Variants in SOX5 observed in about 807,000 individuals in gnomAD.
The protein encoded by SOX5 is transcription factor SOX-5.
A neutral mutation model predicts 92.0 loss-of-function variants in SOX5; 9 were observed. That is an observed-to-expected ratio of 0.10 (90% CI 0.06 to 0.17). The LOEUF (loss-of-function observed/expected upper bound fraction) is 0.17. SOX5 is among the 10% of genes least tolerant of loss of function. The pLI is 1.00. For synonymous variants in SOX5, 344 were observed against 336.3 expected (o/e 1.02, Z -0.25); for missense variants, 642 against 944.5 (o/e 0.68, Z 4.20).
At chr12:23,863,310 A>G (rs546691429) in intron 2 of SOX5, among the ~76,000 whole-genome samples, 95 of 152,266 alleles carry the variant, frequency 6.2e-4, no homozygotes, top group Non-Finnish European at 1.1e-3. Context: ...CTGGAAAAAA[A>G]TTACTAAATT....
At chr12:24,343,094 G>A (rs1395613012) in intron 2 of SOX5, among the ~76,000 whole-genome samples, 1 of 152,224 alleles carries the variant, frequency 6.6e-6, no homozygotes, top group East Asian at 1.9e-4. Context: ...ATGTAGGGAA[G>A]TAAGGGGTTT....
At chr12:24,382,387 T>C (rs750272744) in intron 1 of SOX5, among the ~76,000 whole-genome samples, 8 of 151,484 alleles carry the variant, frequency 5.3e-5, no homozygotes, top group Non-Finnish European at 1.0e-4. Context: ...ACGGGCAGTA[T>C]GGTAGTATGG....
intron 4 of SOX5, among the ~76,000 whole-genome samples, chr12:23,972,596 T>C (rs1264653420): frequency 6.6e-6 from 1 of 152,138 alleles, no homozygotes; most frequent in Non-Finnish European, 1.5e-5. Flanking sequence ...TAACCTCAGG[T>C]GATCCACCCA....
At chr12:24,333,851 TAA>T (rs5797076) in intron 2 of SOX5, among the ~76,000 whole-genome samples, 33,584 of 138,444 alleles carry the variant, frequency 0.24, 4,843 homozygotes, top group Non-Finnish European at 0.34. Flanking sequence ...TTCACCAAGT[TAA>T]AAAAAAAAAA....
intron 4 of SOX5, among the ~76,000 whole-genome samples, chr12:24,165,389 T>TA (rs1366961043): frequency 6.6e-6 from 1 of 152,164 alleles, no homozygotes; most frequent in African/African-American, 2.4e-5. Context: ...TCATAAACCA[T>TA]AAAAATTCCT....
intron 3 of SOX5, among the ~76,000 whole-genome samples, chr12:24,234,199 C>A (rs938828597): frequency 6.6e-6 from 1 of 152,112 alleles, no homozygotes; most frequent in African/African-American, 2.4e-5. Flanking sequence ...ATTGAGAAGG[C>A]AAATATTTTG....
intron 6 of SOX5, among the ~76,000 whole-genome samples, chr12:23,670,519 G>A (rs186536660): frequency 2.0e-5 from 3 of 152,236 alleles, no homozygotes; most frequent in South Asian, 2.1e-4. Context: ...CCAAAATTCC[G>A]GAGGAGGCTA....
chr12:24,559,897 C>T (rs1046380957), intron 1 of SOX5, among the ~76,000 whole-genome samples: 1 of 152,264 alleles, frequency 6.6e-6, no homozygotes, highest in South Asian at 2.1e-4. Context: ...CCTCAAATGC[C>T]TAGTTATTTA....
intron 1 of SOX5, among the ~76,000 whole-genome samples, chr12:23,910,447 G>A (rs764666587): frequency 6.6e-6 from 1 of 152,032 alleles, no homozygotes; most frequent in Non-Finnish European, 1.5e-5. Flanking sequence ...GTTTAAATAC[G>A]CATTTCCTAT....
intron 3 of SOX5, among the ~76,000 whole-genome samples, chr12:24,220,683 A>G (rs1360537759): frequency 6.6e-6 from 1 of 152,096 alleles, no homozygotes; most frequent in African/African-American, 2.4e-5. Context: ...ACCCCATCCA[A>G]TTGGAAGTAT....
At chr12:23,851,382 T>A (rs1036430036) in intron 2 of SOX5, among the ~76,000 whole-genome samples, 14 of 152,268 alleles carry the variant, frequency 9.2e-5, no homozygotes, top group African/African-American at 2.9e-4. Context: ...CCAATATTAA[T>A]GTTCCTAAAA....
At chr12:23,577,176 C>CACACACATAT (rs1273547543) in intron 9 of SOX5, among the ~76,000 whole-genome samples, 4 of 76,968 alleles carry the variant, frequency 5.2e-5, no homozygotes, top group African/African-American at 1.9e-4. Flanking sequence ...CACACACACA[C>CACACACATAT]ATATATATAT....
intron 2 of SOX5, among the ~76,000 whole-genome samples, chr12:24,359,552 A>G (rs1303525789): frequency 1.3e-5 from 2 of 152,224 alleles, no homozygotes; most frequent in African/African-American, 2.4e-5. Flanking sequence ...CCCCTTAGCC[A>G]TACTTTTGGG....
chr12:24,402,460 C>A (rs970695591), intron 1 of SOX5, among the ~76,000 whole-genome samples: 2 of 152,198 alleles, frequency 1.3e-5, no homozygotes, highest in Non-Finnish European at 2.9e-5. Flanking sequence ...AATTCCTCCG[C>A]CTGCCTCTTT....
In SOX5 at chr12:24,163,434, T is replaced by C. The variant is rs146004796; in HGVS notation, c.-2+49909A>G. On this transcript the variant is annotated intron_variant, in intron 4 of 4. Coordinates refer to the SOX5 transcript ENST00000446891. ...TTTGAAGATACTGTATTAGAAAAGA[T>C]CAAACTTCAGCAAAGTTCTTTTTGT... 1.8e-3 allele frequency among the ~76,000 whole-genome samples: 276 copies of C among 152,108 alleles called. 2 individuals are homozygous for C. The highest frequency in any genetic ancestry group is 6.3e-3 in the African/African-American group (263 of 41,552).
At chr12:24,146,150 T>C (rs1951058537) in intron 4 of SOX5, among the ~76,000 whole-genome samples, 1 of 152,200 alleles carries the variant, frequency 6.6e-6, no homozygotes, top group Non-Finnish European at 1.5e-5. Flanking sequence ...TAACTGGCAT[T>C]GGTAGAACGT....
chr12:23,881,544 C>G (rs1304057046), intron 2 of SOX5, among the ~76,000 whole-genome samples: 1 of 152,272 alleles, frequency 6.6e-6, no homozygotes, highest in East Asian at 1.9e-4. Context: ...CCACTTGCAT[C>G]GGCTTTTATA....
chr12:24,285,800 G>C (rs1335116037), intron 2 of SOX5, among the ~76,000 whole-genome samples: 1 of 152,102 alleles, frequency 6.6e-6, no homozygotes, highest in African/African-American at 2.4e-5. Flanking sequence ...ATTACATTTT[G>C]AAAAATTATG....
chr12:24,410,176 T>C (rs1044017043), intron 1 of SOX5, among the ~76,000 whole-genome samples: 11 of 152,090 alleles, frequency 7.2e-5, no homozygotes, highest in African/African-American at 2.4e-4. Context: ...TTTTGTATTT[T>C]TTGTAGAGGA....
Sources: allele counts gnomAD v4.1 joint callset (sites outside exome capture counted in the v4.1 genomes callset), GRCh38; gene constraint gnomAD v4.1.1; transcripts MANE v1.5; gene names NCBI Gene and HGNC (gene_info 2026-07-23, HGNC 2026-07-21).